LRRC8D: variants seen among roughly 807,000 people sequenced by gnomAD.
LRRC8D encodes the protein volume-regulated anion channel subunit LRRC8D.
Under a neutral mutation model 55.8 loss-of-function variants are expected in LRRC8D, and 20 were observed. That is an observed-to-expected ratio of 0.36 (90% CI 0.25 to 0.52). The LOEUF (loss-of-function observed/expected upper bound fraction) is 0.52. LRRC8D is among the 20% of genes least tolerant of loss of function. The pLI is 0.93. For missense variants in LRRC8D, 651 were observed against 1,030.8 expected, an observed-to-expected ratio of 0.63 and a Z score of 5.05; for synonymous variants, 352 against 377.0, an observed-to-expected ratio of 0.93 and a Z score of 0.77.
intron 2 of LRRC8D, among the ~76,000 whole-genome samples, chr1:89,880,978 T>C (rs1409683553): frequency 6.6e-6 from 1 of 152,194 alleles, no homozygotes; most frequent in Non-Finnish European, 1.5e-5. Context: ...GTATTTTGCA[T>C]TAAACACTTT....
At position 89,902,568 on chromosome 1, in the gene LRRC8D, G is replaced by A. The variant is rs146971701; in HGVS notation, c.-2-30499G>A. On this transcript the variant is annotated intron_variant, in intron 2 of 2. Transcript: ENST00000337338. Reference sequence around the variant, plus strand: ...TTTTTTTTTTTTGAGACTGAGTCTCGCTCTGTCGCCCTGGCTGGAGTGCGG... The same window carrying A: ...TTTTTTTTTTTTGAGACTGAGTCTCACTCTGTCGCCCTGGCTGGAGTGCGG... 5.6e-3 allele frequency among the ~76,000 whole-genome samples: 835 copies of A among 149,374 alleles called. 16 individuals carry two copies. Among genetic ancestry groups the A allele is most frequent in the Non-Finnish European group, 3.6e-3 (241 of 67,590 alleles).
intron 1 of LRRC8D, among the ~76,000 whole-genome samples, chr1:89,834,337 G>GGCTATCAT (rs1314766892): frequency 6.6e-6 from 1 of 152,136 alleles, no homozygotes; most frequent in Non-Finnish European, 1.5e-5. Flanking sequence ...TATTAACAAC[G>GGCTATCAT]GCTATCATGT....
chr1:89,926,963 T>A (rs1252117109), intron 2 of LRRC8D, among the ~76,000 whole-genome samples: 1 of 152,220 alleles, frequency 6.6e-6, no homozygotes, highest in East Asian at 1.9e-4. Context: ...TAGAGTAATG[T>A]TGTGAAGTTT....
intron 2 of LRRC8D, among the ~76,000 whole-genome samples, chr1:89,908,522 G>A (rs1663052744): frequency 6.6e-6 from 1 of 152,186 alleles, no homozygotes; most frequent in South Asian, 2.1e-4. Context: ...CTTCTGTTGT[G>A]TGTTTAGGTC....
At chr1:89,837,242 T>A (rs1310053225) in intron 1 of LRRC8D, among the ~76,000 whole-genome samples, 1 of 151,984 alleles carries the variant, frequency 6.6e-6, no homozygotes, top group Non-Finnish European at 1.5e-5. Context: ...TTTTCTTTCC[T>A]TCTTAATATT....
intron 2 of LRRC8D, among the ~76,000 whole-genome samples, chr1:89,866,018 T>C (rs1186730921): frequency 6.6e-6 from 1 of 152,242 alleles, no homozygotes; most frequent in Non-Finnish European, 1.5e-5. Context: ...CTCCTCTTTA[T>C]AATTTTTGAA....
At chr1:89,878,519 G>A (rs746208641) in intron 2 of LRRC8D, among the ~76,000 whole-genome samples, 1 of 152,198 alleles carries the variant, frequency 6.6e-6, no homozygotes, top group Non-Finnish European at 1.5e-5. Flanking sequence ...ATGTATCTGA[G>A]ATGCATTGAA....
intron 2 of LRRC8D, among the ~76,000 whole-genome samples, chr1:89,856,525 G>A (rs906725338): frequency 2.0e-5 from 3 of 152,204 alleles, no homozygotes; most frequent in African/African-American, 7.2e-5. Context: ...TCATTAATTT[G>A]TGTCAAATAA....
chr1:89,845,701 T>C (rs1661257416), intron 2 of LRRC8D, among the ~76,000 whole-genome samples: 1 of 152,020 alleles, frequency 6.6e-6, no homozygotes, highest in South Asian at 2.1e-4. Context: ...CCTTCCAAAA[T>C]ACTGGGAGGC....
At chr1:89,881,434 C>T (rs1662280797) in intron 2 of LRRC8D, among the ~76,000 whole-genome samples, 1 of 152,096 alleles carries the variant, frequency 6.6e-6, no homozygotes, top group Non-Finnish European at 1.5e-5. Context: ...ACTAAGGACC[C>T]CCCTGAGATT....
intron 2 of LRRC8D, among the ~76,000 whole-genome samples, chr1:89,900,165 G>A (rs905416058): frequency 6.6e-6 from 1 of 152,164 alleles, no homozygotes; most frequent in Non-Finnish European, 1.5e-5. Context: ...CTTACCATAG[G>A]CACTGATGGC....
intron 2 of LRRC8D, among the ~76,000 whole-genome samples, chr1:89,896,217 G>C (rs1662708548): frequency 6.6e-6 from 1 of 152,186 alleles, no homozygotes; most frequent in Non-Finnish European, 1.5e-5. Flanking sequence ...TCCCTTGTGG[G>C]TGAGTGGGAG....
At chr1:89,875,763 G>C (rs1428764554) in intron 2 of LRRC8D, among the ~76,000 whole-genome samples, 1 of 152,170 alleles carries the variant, frequency 6.6e-6, no homozygotes, top group Non-Finnish European at 1.5e-5. Flanking sequence ...GCCAAGCAGT[G>C]TTCTAAGTGC....
chr1:89,846,312 A>ATTTTTTTT (rs35802731), intron 2 of LRRC8D, among the ~76,000 whole-genome samples: 3 of 140,986 alleles, frequency 2.1e-5, no homozygotes, highest in Non-Finnish European at 3.1e-5. Flanking sequence ...TATATGATGT[A>ATTTTTTTT]TTTTTTTTTT....
intron 2 of LRRC8D, among the ~76,000 whole-genome samples, chr1:89,920,956 G>C (rs186258097): frequency 2.0e-5 from 3 of 152,114 alleles, no homozygotes; most frequent in African/African-American, 7.2e-5. Flanking sequence ...TTTGATCCTC[G>C]TAAGTCTCTT....
chr1:89,827,429 C>T (rs1167904943), intron 1 of LRRC8D, among the ~76,000 whole-genome samples: 4 of 151,628 alleles, frequency 2.6e-5, no homozygotes, highest in East Asian at 1.9e-4. Flanking sequence ...CCCCCAAATT[C>T]GTGGGCACCT....
intron 2 of LRRC8D, among the ~76,000 whole-genome samples, chr1:89,890,229 C>T (rs557842449): frequency 6.6e-6 from 1 of 151,996 alleles, no homozygotes; most frequent in Non-Finnish European, 1.5e-5. Flanking sequence ...CTTGAGGATT[C>T]CAAAAACATT....
chr1:89,910,063 T>C (rs567884465), intron 2 of LRRC8D, among the ~76,000 whole-genome samples: 1 of 152,312 alleles, frequency 6.6e-6, no homozygotes, highest in Admixed American at 6.5e-5. Flanking sequence ...TGTTTATTCT[T>C]TTAAGAATTA....
At chr1:89,897,464 G>A (rs1383055765) in intron 2 of LRRC8D, among the ~76,000 whole-genome samples, 1 of 152,080 alleles carries the variant, frequency 6.6e-6, no homozygotes, top group Non-Finnish European at 1.5e-5. Context: ...GTATATTCTT[G>A]GTTATCAAAA....
Sources: allele counts gnomAD v4.1 joint callset (sites outside exome capture counted in the v4.1 genomes callset), GRCh38; gene constraint gnomAD v4.1.1; transcripts MANE v1.5; gene names NCBI Gene and HGNC (gene_info 2026-07-23, HGNC 2026-07-21).